PCDH19: variants seen among roughly 807,000 people sequenced by gnomAD.
The protein encoded by PCDH19 is protocadherin 19, also known as protocadherin-19.
In PCDH19, 6 loss-of-function variants were observed where a neutral mutation model predicts 46.2. The observed-to-expected ratio is 0.13, with a 90% CI of 0.07 to 0.26. The LOEUF (loss-of-function observed/expected upper bound fraction) is 0.26, where lower values mean the gene tolerates loss of function less well. Ranked by LOEUF, PCDH19 falls within the 10% of genes least tolerant of loss-of-function variation. PCDH19 has a pLI of 1.00. For synonymous variants in PCDH19, 481 were observed against 415.7 expected, an observed-to-expected ratio of 1.16 and a Z score of -1.91; for missense variants, 740 against 972.3, an observed-to-expected ratio of 0.76 and a Z score of 3.18.
chrX:100,296,936 C>T, intron 5 of PCDH19, 61 bp from the exon 6 acceptor site: 1 of 1,042,037 alleles, frequency 9.6e-7, no homozygotes, highest in African/African-American at 1.8e-5. Context: ...CTGTTACTCC[C>T]CAGTGTTCTG....
At chrX:100,340,349 A>T (rs1473346077) in intron 5 of PCDH19, among the ~76,000 whole-genome samples, 1 of 112,318 alleles carries the variant, frequency 8.9e-6, no homozygotes, top group African/African-American at 3.2e-5. Flanking sequence ...GCCAGGCATA[A>T]AGTGAGAATC....
chrX:100,410,208 G>A lies in PCDH19; in HGVS notation c.-1611C>T. On this transcript the variant is annotated 5_prime_UTR_variant, in exon 1 of 6. In the 5' UTR this introduces an upstream ATG that the reference lacks. Transcript: ENST00000373034. ...TGCTGCCGTCTGTGCCCGCTCGTCC[G>A]TCTCCGCGCTGCGCCAGCCGCCGCC... 1 of 296,879 alleles carries A rather than the reference G, an allele frequency of 3.4e-6. No homozygotes were observed. The highest frequency in any genetic ancestry group is 6.1e-5 in the Admixed American group (1 of 16,491). 24.5% of individuals were successfully genotyped at this position (296,879 alleles called of 1,213,427 possible). A position where few individuals can be genotyped will look rare whatever the true frequency, so the allele number is the denominator to read the frequency against.
At chrX:100,379,814 T>A (rs1163605785) in intron 3 of PCDH19, among the ~76,000 whole-genome samples, 1 of 111,787 alleles carries the variant, frequency 8.9e-6, no homozygotes, top group East Asian at 2.8e-4. Flanking sequence ...TCTGATTCTA[T>A]GTTATAAATG....
chrX:100,377,763 A>G (rs1927430828), intron 3 of PCDH19, among the ~76,000 whole-genome samples: 1 of 112,081 alleles, frequency 8.9e-6, no homozygotes, highest in Admixed American at 9.4e-5. Flanking sequence ...CAACTCATGT[A>G]AGGGAACCTA....
In PCDH19 at chrX:100,299,710, G is replaced by A. The variant is rs1486191392; in HGVS notation, c.2849-2835C>T. 3.6e-5 allele frequency among the ~76,000 whole-genome samples: 4 copies of A among 111,894 alleles called. 1 individual carries two copies. Among genetic ancestry groups the A allele is most frequent in the African/African-American group, 1.3e-4 (4 of 30,761 alleles). On this transcript the variant is annotated intron_variant, in intron 5 of 5. Coordinates refer to ENST00000373034, the MANE Select transcript of PCDH19 (RefSeq NM_001184880.2). ...TCACTGTTGGGAAAAGAGAAACGGA[G>A]ACTAACTCAGGACACACCCAACAAT...
At position 100,406,475 on chromosome X, in the gene PCDH19, T is replaced by C; in HGVS notation, c.2123A>G (p.Lys708Arg). The C allele has an allele frequency of 1.7e-6, 2 of 1,206,376 alleles. No individual in the cohort carries two copies. The highest frequency in any genetic ancestry group is 2.2e-6 in the Non-Finnish European group (2 of 892,358). Reference sequence around the variant, plus strand: ...CCTGCAGTTGTAGGTCCGGATCTCTTTGTTGTCTCGCTTGCACTTGATTGC... The same window carrying C: ...CCTGCAGTTGTAGGTCCGGATCTCTCTGTTGTCTCGCTTGCACTTGATTGC... ...FVAIKCKRDN[K>R]EIRTYNCSNC... The change falls in exon 1 of 6, where the codon AAA becomes AGA. Residue 708 changes from lysine (K) to arginine (R), a missense_variant. Lys to Arg is a conservative substitution (Grantham distance 26). Coordinates refer to ENST00000373034, the MANE Select transcript of PCDH19 (RefSeq NM_001184880.2).
At chrX:100,314,321 G>C (rs1198666255) in intron 5 of PCDH19, among the ~76,000 whole-genome samples, 1 of 111,817 alleles carries the variant, frequency 8.9e-6, no homozygotes, top group Non-Finnish European at 1.9e-5. Context: ...TTCTGGTCAT[G>C]TGTGTTTACA....
In PCDH19 at chrX:100,388,686, T is replaced by C. The variant is rs1448923048; in HGVS notation, c.2616+13838A>G. 3.6e-5 allele frequency among the ~76,000 whole-genome samples: 4 copies of C among 111,087 alleles called. No homozygotes were observed. The East Asian group carries it at 1.1e-3, about 31-fold the overall frequency. ...GAAAGATTATATCAATTTTTTAAATTATACTCCATGTTGCAGTGTATCATA... is the reference window on the plus strand; with the variant it reads ...GAAAGATTATATCAATTTTTTAAATCATACTCCATGTTGCAGTGTATCATA... On this transcript the variant is annotated intron_variant, in intron 3 of 5. Coordinates refer to ENST00000373034, the MANE Select transcript of PCDH19 (RefSeq NM_001184880.2).
intron 3 of PCDH19, among the ~76,000 whole-genome samples, chrX:100,356,353 A>G (rs1216609447): frequency 1.8e-5 from 2 of 111,746 alleles, no homozygotes; most frequent in Non-Finnish European, 3.8e-5. Flanking sequence ...TCCAATAATG[A>G]TAATTGTGCC....
chrX:100,408,152 G>A lies in PCDH19; in HGVS notation c.446C>T (p.Pro149Leu). 2 of 1,211,911 alleles carry A rather than the reference G, an allele frequency of 1.7e-6. No homozygotes were observed. Among genetic ancestry groups the A allele is most frequent in the Non-Finnish European group, 2.2e-6 (2 of 895,615 alleles). Residue 149 changes from proline (P) to leucine (L), a missense_variant, in exon 1 of 6, where the codon CCG becomes CTG. Physicochemically the swap from Pro to Leu is moderately conservative, Grantham distance 98. Transcript: ENST00000373034. ...GTCTGGATCGTAAGCGCTGTCCAGC[G>A]GGATGCGCGTGCCAGGGCTGGCTGC... ...SEAASPGTRI[P>L]LDSAYDPDSG...
At chrX:100,364,521 G>T (rs761896114) in intron 3 of PCDH19, among the ~76,000 whole-genome samples, 1 of 111,671 alleles carries the variant, frequency 9.0e-6, no homozygotes, top group Non-Finnish European at 1.9e-5. Context: ...ACCTTAGAGA[G>T]AAACCGGAGG....
chrX:100,368,360 A>C (rs1927127337), intron 3 of PCDH19, among the ~76,000 whole-genome samples: 1 of 111,320 alleles, frequency 9.0e-6, no homozygotes. Flanking sequence ...GTAGGTGGAG[A>C]CCTTCACCTT....
rs764784648 is a variant in PCDH19 at position 100,374,656 on chromosome X, T to C, written c.2617-23952A>G. The stretch of plus-strand genomic sequence containing the variant: ...CAAAAGAAGATGAAATATGAAATAT[T>C]TGGCCAAGCGCAGTGGCTCACGCCT... On this transcript the variant is annotated intron_variant, in intron 3 of 5. Transcript: ENST00000373034. 4.4e-4 allele frequency among the ~76,000 whole-genome samples: 49 copies of C among 112,188 alleles called. 1 individual carries two copies. In the South Asian group the frequency reaches 0.018, roughly 41 times the overall value.
At chrX:100,333,160 AGGAAGGAAGGAAGG>A (rs1925944017) in intron 5 of PCDH19, among the ~76,000 whole-genome samples, 1 of 50,887 alleles carries the variant, frequency 2.0e-5, no homozygotes, top group African/African-American at 6.1e-5. Flanking sequence ...GAAGGAAGGA[AGGAAGGAAGGAAGG>A]GAGAGAGAGA....
At chrX:100,303,126 C>T (rs1286967264) in intron 5 of PCDH19, among the ~76,000 whole-genome samples, 1 of 111,247 alleles carries the variant, frequency 9.0e-6, no homozygotes, top group African/African-American at 3.3e-5. Flanking sequence ...CTAGTACCCT[C>T]TAACATCCCG....
chrX:100,410,244 C>G lies in PCDH19; in HGVS notation c.-1647G>C, dbSNP rs1928561728. On this transcript the variant is annotated 5_prime_UTR_variant, in exon 1 of 6. Transcript: ENST00000373034. ...GCGCCAGCCGCCGCCGCTACTGCTG[C>G]TGCTGCTCCTCCGGATGCCGCAAAC... 3.4e-6 allele frequency: 1 copy of G among 297,436 alleles called. No individual in the cohort carries two copies. The highest frequency in any genetic ancestry group is 2.7e-5 in the African/African-American group (1 of 36,578). 24.5% of individuals were successfully genotyped at this position (297,436 alleles called of 1,213,427 possible). A position where few individuals can be genotyped will look rare whatever the true frequency, so the allele number is the denominator to read the frequency against.
At chrX:100,324,492 G>A (rs1222449460) in intron 5 of PCDH19, among the ~76,000 whole-genome samples, 1 of 111,992 alleles carries the variant, frequency 8.9e-6, no homozygotes, top group African/African-American at 3.2e-5. Context: ...ATCTGAAAAG[G>A]TTGTACCCAG....
rs1569317078 is a variant in PCDH19 at position 100,409,769 on chromosome X, C to T, written c.-1172G>A. ...AGGAAGCCCTCCTAGCTCAGTTGCA[C>T]GTCGCTGGGGTCCGCCTCAGCAGCT... On this transcript the variant is annotated 5_prime_UTR_variant, in exon 1 of 6. In the 5' UTR this introduces an upstream ATG that the reference lacks. Transcript: ENST00000373034. The T allele has an allele frequency of 4.2e-6, 1 of 235,892 alleles. No homozygotes were observed. Among genetic ancestry groups the T allele is most frequent in the Non-Finnish European group, 7.4e-6 (1 of 134,563 alleles). The allele number at this position is 235,892 out of a possible 1,213,427, so 19.4% of individuals were successfully genotyped here.
intron 5 of PCDH19, among the ~76,000 whole-genome samples, chrX:100,334,283 A>C (rs1211179621): frequency 1.8e-5 from 2 of 111,734 alleles, no homozygotes; most frequent in African/African-American, 6.5e-5. Flanking sequence ...AAAAAAGAGG[A>C]TCTTAAAAGC....
Sources: gnomAD v4.1 joint callset for allele counts (sites outside exome capture counted in the v4.1 genomes callset) on GRCh38, gnomAD v4.1.1 for gene constraint, MANE v1.5 for transcripts, NCBI Gene and HGNC (gene_info 2026-07-23, HGNC 2026-07-21) for gene names.